The following PRCP variants were observed in gnomAD, a reference collection of about 807,000 sequenced individuals.
PRCP encodes prolylcarboxypeptidase, also known as lysosomal Pro-X carboxypeptidase.
PRCP carries 46 observed loss-of-function variants against 54.2 expected under a neutral mutation model. That is an observed-to-expected ratio of 0.85 (90% CI 0.67 to 1.09). The LOEUF is 1.09. Among genes scored for constraint, PRCP ranks in the 50% least tolerant of loss-of-function variants. PRCP has a pLI of 0.00. For synonymous variants in PRCP, 240 were observed against 212.2 expected, an observed-to-expected ratio of 1.13 and a Z score of -1.14; for missense variants, 613 against 596.8, an observed-to-expected ratio of 1.03 and a Z score of -0.28.
At chr11:82,863,587 T>C (rs1591057450) in intron 1 of PRCP, among the ~76,000 whole-genome samples, 1 of 152,220 alleles carries the variant, frequency 6.6e-6, no homozygotes, top group Non-Finnish European at 1.5e-5. Flanking sequence ...TGAGTCTTCA[T>C]GTAAACTGAG....
At chr11:82,841,276 A>AAAG (rs1396907067) in intron 6 of PRCP, among the ~76,000 whole-genome samples, 2 of 151,642 alleles carry the variant, frequency 1.3e-5, no homozygotes, top group African/African-American at 4.8e-5. Context: ...GGGAAAAAAA[A>AAAG]AAAAAGGAAA....
At chr11:82,885,577 T>G (rs1219728957) in intron 1 of PRCP, among the ~76,000 whole-genome samples, 1 of 152,142 alleles carries the variant, frequency 6.6e-6, no homozygotes, top group East Asian at 1.9e-4. Flanking sequence ...AACAACATGT[T>G]AAAAATAAGA....
chr11:82,833,902 C>G (rs1404406275), intron 8 of PRCP, among the ~76,000 whole-genome samples: 2 of 152,130 alleles, frequency 1.3e-5, no homozygotes, highest in African/African-American at 4.8e-5. Flanking sequence ...ACATGGAGCT[C>G]TAATTCCTAC....
At chr11:82,881,858 C>A (rs1859756100) in intron 1 of PRCP, among the ~76,000 whole-genome samples, 1 of 152,114 alleles carries the variant, frequency 6.6e-6, no homozygotes, top group Non-Finnish European at 1.5e-5. Context: ...CCACAACCCA[C>A]AAATGGTCAA....
At chr11:82,838,259 A>T in intron 8 of PRCP, 128 bp downstream of exon 8, 1 of 847,482 alleles carries the variant, frequency 1.2e-6, no homozygotes, top group Non-Finnish European at 1.7e-6. Flanking sequence ...AGGCATAGGA[A>T]AACATGACAG....
chr11:82,874,701 A>AAAAAAAAAG, intron 1 of PRCP, among the ~76,000 whole-genome samples: 2 of 150,968 alleles, frequency 1.3e-5, no homozygotes, highest in East Asian at 3.9e-4. Flanking sequence ...AAAAAAAAAA[A>AAAAAAAAAG]AAAAAAAAGA....
At chr11:82,846,294 A>G (rs1458322960) in intron 6 of PRCP, 2 of 152,162 alleles carry the variant, frequency 1.3e-5, no homozygotes, top group East Asian at 3.9e-4. Flanking sequence ...GGGGTCAAAA[A>G]AAGGAGAAAT....
rs192043306 is a variant in PRCP, at chr11:82,823,409, T to A, written c.*1497A>T. ...ACAAAATAGTTACCAAATGCTTTGA[T>A]AGACAACTCATTACAATGAGAACTG... On this transcript the variant is annotated 3_prime_UTR_variant, in exon 9 of 9. Coordinates refer to ENST00000313010, the MANE Select transcript of PRCP (RefSeq NM_005040.4). The A allele has an allele frequency of 6.6e-6, 1 of 152,184 alleles. No individual in the cohort carries two copies. Among genetic ancestry groups the A allele is most frequent in the Non-Finnish European group, 1.5e-5 (1 of 68,032 alleles). The allele number at this position is 152,184 out of a possible 1,614,324, so 9.4% of individuals were successfully genotyped here.
chr11:82,885,002 A>G (rs948012709), intron 1 of PRCP: 4 of 1,406,362 alleles, frequency 2.8e-6, no homozygotes, highest in Non-Finnish European at 3.8e-6. Flanking sequence ...TGTGAAAGAA[A>G]AAATATGATA....
intron 5 of PRCP, 108 bp from the exon 6 acceptor site, chr11:82,849,326 C>T: frequency 8.2e-7 from 1 of 1,221,510 alleles, no homozygotes; most frequent in Non-Finnish European, 1.1e-6. Flanking sequence ...TCTTTTATAC[C>T]CCTTCTCCCA....
At chr11:82,841,995 C>T (rs1024975629) in intron 6 of PRCP, among the ~76,000 whole-genome samples, 10 of 152,104 alleles carry the variant, frequency 6.6e-5, no homozygotes, top group African/African-American at 2.2e-4. Flanking sequence ...TGCAGAGAAG[C>T]GCCTTATGTT....
At chr11:82,828,641 C>A (rs1858302424) in intron 8 of PRCP, 1 of 152,172 alleles carries the variant, frequency 6.6e-6, no homozygotes, top group Non-Finnish European at 1.5e-5. Context: ...TTATCAAATA[C>A]ATGAAAATAA....
intron 2 of PRCP, 95 bp from the exon 3 acceptor site, chr11:82,853,373 G>A: frequency 1.1e-6 from 1 of 878,606 alleles, no homozygotes; most frequent in Non-Finnish European, 1.7e-6. Context: ...TGTTAAGCCA[G>A]AACAAAAAGA....
At chr11:82,840,113 T>A (rs905896451) in intron 6 of PRCP, 5 of 152,020 alleles carry the variant, frequency 3.3e-5, no homozygotes, top group Non-Finnish European at 5.9e-5. Context: ...AGTTCCAGCA[T>A]CTGTCGTGTG....
intron 1 of PRCP, among the ~76,000 whole-genome samples, chr11:82,879,929 G>A (rs1391550104): frequency 3.3e-5 from 5 of 152,216 alleles, no homozygotes; most frequent in Non-Finnish European, 5.9e-5. Context: ...AGTTGTATGA[G>A]ATGTCAGTCG....
chr11:82,871,177 C>CTTTTTT (rs146234682), intron 1 of PRCP, among the ~76,000 whole-genome samples: 2 of 117,410 alleles, frequency 1.7e-5, no homozygotes, highest in Non-Finnish European at 3.5e-5. Context: ...AAATGTTTCT[C>CTTTTTT]TTTTTTTTTT....
chr11:82,855,644 A>T (rs1346097358), intron 2 of PRCP, among the ~76,000 whole-genome samples: 2 of 152,090 alleles, frequency 1.3e-5, no homozygotes, highest in Admixed American at 1.3e-4. Flanking sequence ...AAAATAAATA[A>T]GTAAATAAAT....
intron 1 of PRCP, among the ~76,000 whole-genome samples, chr11:82,897,761 T>C (rs1860150457): frequency 6.6e-6 from 1 of 152,184 alleles, no homozygotes; most frequent in South Asian, 2.1e-4. Context: ...GCCTTTATCC[T>C]GCAATCAGAG....
At chr11:82,872,153 T>C (rs1319452213) in intron 1 of PRCP, among the ~76,000 whole-genome samples, 1 of 152,210 alleles carries the variant, frequency 6.6e-6, no homozygotes, top group Non-Finnish European at 1.5e-5. Flanking sequence ...TATGTATGTA[T>C]AGGAAAAAAC....
Sources: allele counts gnomAD v4.1 joint callset (sites outside exome capture counted in the v4.1 genomes callset), GRCh38; gene constraint gnomAD v4.1.1; transcripts MANE v1.5; gene names NCBI Gene and HGNC (gene_info 2026-07-23, HGNC 2026-07-21).